TRABD2B: variants seen among roughly 807,000 people sequenced by gnomAD.
The protein encoded by TRABD2B is metalloprotease TIKI2.
TRABD2B carries 14 observed loss-of-function variants against 40.1 expected under a neutral mutation model. That is an observed-to-expected ratio of 0.35 (90% CI 0.23 to 0.55). The LOEUF is 0.55. Ranked by LOEUF, TRABD2B falls within the 20% of genes least tolerant of loss-of-function variation. The pLI is 0.90. For synonymous variants in TRABD2B, 263 were observed against 277.0 expected, an observed-to-expected ratio of 0.95 and a Z score of 0.50; for missense variants, 541 against 648.6, an observed-to-expected ratio of 0.83 and a Z score of 1.80.
intron 2 of TRABD2B, among the ~76,000 whole-genome samples, chr1:47,844,739 C>T (rs568507901): frequency 5.1e-4 from 77 of 152,320 alleles, no homozygotes; most frequent in African/African-American, 1.9e-3. Context: ...TTTCAACAGA[C>T]AGGATTCATG....
chr1:47,885,313 G>A (rs1486355860), intron 2 of TRABD2B, among the ~76,000 whole-genome samples: 1 of 152,092 alleles, frequency 6.6e-6, no homozygotes, highest in African/African-American at 2.4e-5. Context: ...TGACTCCCAG[G>A]CCAGGCTAGG....
chr1:47,820,705 G>A (rs7513146), intron 2 of TRABD2B, among the ~76,000 whole-genome samples: 47,312 of 151,414 alleles, frequency 0.31, 7,758 homozygotes, highest in Non-Finnish European at 0.37. Flanking sequence ...TCTCATGTCC[G>A]TCCTCCATCA....
At chr1:47,823,437 C>T (rs553283491) in intron 2 of TRABD2B, among the ~76,000 whole-genome samples, 4 of 152,346 alleles carry the variant, frequency 2.6e-5, no homozygotes, top group South Asian at 2.1e-4. Context: ...CAAGCCCCTC[C>T]GGCCCCATCT....
intron 2 of TRABD2B, among the ~76,000 whole-genome samples, chr1:47,926,887 G>A (rs1420719112): frequency 6.6e-6 from 1 of 152,164 alleles, no homozygotes; most frequent in African/African-American, 2.4e-5. Flanking sequence ...TGTGTATTCA[G>A]CTGAAGGATG....
At position 47,834,928 on chromosome 1, in the gene TRABD2B, AGGAGT is replaced by A. The variant is rs373700264; in HGVS notation, c.667-33314_667-33310del. ...AAATAGGAGAAAAAAGCAGTTAATA[AGGAGT>A]ATCTTTGAGGAAGTCCAGAAGTTGG... On this transcript the variant is annotated intron_variant, in intron 2 of 6. Transcript: ENST00000606738. 7.2e-4 allele frequency among the ~76,000 whole-genome samples: 109 copies of A among 152,330 alleles called. No homozygotes were observed. The East Asian group carries it at 0.02, about 28-fold the overall frequency.
chr1:47,815,137 T>C (rs537783240), intron 2 of TRABD2B, among the ~76,000 whole-genome samples: 1 of 152,302 alleles, frequency 6.6e-6, no homozygotes, highest in East Asian at 1.9e-4. Context: ...TCCTTCCCCC[T>C]ACCACAGAAA....
chr1:47,793,152 T>A (rs1229612531), intron 4 of TRABD2B, among the ~76,000 whole-genome samples: 1 of 152,168 alleles, frequency 6.6e-6, no homozygotes, highest in East Asian at 1.9e-4. Context: ...CTAAAACCTA[T>A]GGCTGAATAG....
At chr1:47,796,674 A>G (rs760630385) in intron 3 of TRABD2B, among the ~76,000 whole-genome samples, 1 of 152,254 alleles carries the variant, frequency 6.6e-6, no homozygotes, top group Non-Finnish European at 1.5e-5. Flanking sequence ...GATGAACAAG[A>G]CAATAATATG....
At chr1:47,862,874 A>G (rs1643994220) in intron 2 of TRABD2B, among the ~76,000 whole-genome samples, 2 of 152,198 alleles carry the variant, frequency 1.3e-5, no homozygotes, top group South Asian at 2.1e-4. Flanking sequence ...GTGTTGGTGA[A>G]AGAAAAGACA....
chr1:47,915,252 G>A (rs1158190391), intron 2 of TRABD2B, among the ~76,000 whole-genome samples: 1 of 152,190 alleles, frequency 6.6e-6, no homozygotes, highest in Non-Finnish European at 1.5e-5. Flanking sequence ...CAGGAGACTA[G>A]AAGCAACTCC....
chr1:47,978,367 C>T (rs1034103159), intron 2 of TRABD2B, among the ~76,000 whole-genome samples: 5 of 152,190 alleles, frequency 3.3e-5, no homozygotes, highest in African/African-American at 1.2e-4. Context: ...TATGGTATTT[C>T]GTTATAGCAA....
intron 2 of TRABD2B, among the ~76,000 whole-genome samples, chr1:47,924,626 T>C (rs1431641978): frequency 2.0e-5 from 3 of 152,056 alleles, no homozygotes; most frequent in African/African-American, 4.8e-5. Context: ...GAACCCAGGG[T>C]AGACTGCTGG....
chr1:47,795,272 G>C (rs1644733203), intron 3 of TRABD2B, among the ~76,000 whole-genome samples: 1 of 152,228 alleles, frequency 6.6e-6, no homozygotes, highest in Admixed American at 6.5e-5. Flanking sequence ...AAGATCCAGA[G>C]ATGTGCTGGC....
At chr1:47,773,637 C>T (rs1644405522) in intron 6 of TRABD2B, among the ~76,000 whole-genome samples, 1 of 152,238 alleles carries the variant, frequency 6.6e-6, no homozygotes, top group Non-Finnish European at 1.5e-5. Context: ...GGCTTTGCTC[C>T]TCCTTGCCTT....
At chr1:47,794,876 G>A in intron 3 of TRABD2B, 116 bp from the exon 4 acceptor site, 1 of 1,000,826 alleles carries the variant, frequency 1.0e-6, no homozygotes, top group Non-Finnish European at 1.4e-6. Flanking sequence ...CAACTCTCTG[G>A]CTCAAGCCAT....
rs1172684288 is a variant in TRABD2B at position 47,765,976 on chromosome 1, T to G, written c.1480A>C (p.Thr494Pro). The change falls in exon 7 of 7, where the codon ACC (threonine) becomes CCC (proline). Residue 494 changes from threonine to proline, a missense_variant. Transcript: ENST00000606738. Reference protein sequence around the residue: ...PPGPASSSAPTLGLLPAIATT... With the variant: ...PPGPASSSAPPLGLLPAIATT... ...GCGATGGCGGGGAGAAGGCCCAGGG[T>G]GGGTGCCGAGCTGCTGGCGGGCCCT... The G allele has an allele frequency of 4.3e-6, 3 of 702,112 alleles. No homozygotes were observed. Among genetic ancestry groups the G allele is most frequent in the Admixed American group, 2.0e-5 (1 of 49,940 alleles). 43.5% of individuals were successfully genotyped at this position (702,112 alleles called of 1,614,324 possible). A position where few individuals can be genotyped will look rare whatever the true frequency, so the allele number is the denominator to read the frequency against.
intron 2 of TRABD2B, among the ~76,000 whole-genome samples, chr1:47,820,519 C>T (rs1014524071): frequency 6.6e-6 from 1 of 152,162 alleles, no homozygotes; most frequent in African/African-American, 2.4e-5. Flanking sequence ...CAGGAAAATG[C>T]GCCTAAAAGG....
At chr1:47,796,331 G>A (rs1644747769) in intron 3 of TRABD2B, among the ~76,000 whole-genome samples, 1 of 152,144 alleles carries the variant, frequency 6.6e-6, no homozygotes, top group African/African-American at 2.4e-5. Flanking sequence ...CACCTACCCA[G>A]GCCCAAAGCA....
At chr1:47,814,031 C>G (rs1178969871) in intron 2 of TRABD2B, among the ~76,000 whole-genome samples, 2 of 152,214 alleles carry the variant, frequency 1.3e-5, no homozygotes, top group Admixed American at 1.3e-4. Context: ...ATGTGGGGGA[C>G]CACAAACAGG....
Sources: gnomAD v4.1 joint callset for allele counts (sites outside exome capture counted in the v4.1 genomes callset) on GRCh38, gnomAD v4.1.1 for gene constraint, MANE v1.5 for transcripts, NCBI Gene and HGNC (gene_info 2026-07-23, HGNC 2026-07-21) for gene names.